Variants in MMD2 observed in about 807,000 individuals in gnomAD.
The protein encoded by MMD2 is monocyte to macrophage differentiation factor 2.
Under a neutral mutation model 33.5 loss-of-function variants are expected in MMD2, and 30 were observed. That is an observed-to-expected ratio of 0.90 (90% confidence interval 0.67 to 1.22). MMD2 has a LOEUF of 1.22. Ranked by LOEUF, MMD2 falls within the 50% of genes most tolerant of loss-of-function variation. MMD2 has a pLI of 0.00. For synonymous variants in MMD2, 129 were observed against 123.0 expected (o/e 1.05, Z -0.32); for missense variants, 364 against 325.4 (o/e 1.12, Z -0.91).
chr7:4,909,621 G>A, intron 6 of MMD2: 1 of 627,628 alleles, frequency 1.6e-6, no homozygotes, highest in South Asian at 1.8e-5. Context: ...TTTTTTTTTA[G>A]AGATGGGTCT....
At position 4,906,270 on chromosome 7, in the gene MMD2, T is replaced by A. The variant is rs886393663; in HGVS notation, c.*1126A>T. The A allele has an allele frequency of 5.2e-6, 2 of 385,690 alleles. No homozygotes were observed. Among genetic ancestry groups the A allele is most frequent in the East Asian group, 7.3e-5 (2 of 27,284 alleles). The allele number at this position is 385,690 out of a possible 1,614,324, so 23.9% of individuals were successfully genotyped here. ...TTGGACAGAGAGGCTGGCCCCGCCC[T>A]GACGGGGGCTGAAGAACAGGCCCCC... is the stretch of plus-strand genomic sequence containing the variant. On this transcript the variant is annotated 3_prime_UTR_variant, in exon 7 of 7. Coordinates refer to ENST00000401401, the MANE Select transcript of MMD2 (RefSeq NM_198403.4).
At chr7:4,902,182 C>T (rs1451170874), downstream of MMD2, among the ~76,000 whole-genome samples, 1 of 152,178 alleles carries the variant, frequency 6.6e-6, no homozygotes, top group Non-Finnish European at 1.5e-5. Flanking sequence ...AAACTCCTGG[C>T]CTCAAGTGAT....
downstream of MMD2, among the ~76,000 whole-genome samples, chr7:4,904,125 G>C (rs1562471933): frequency 1.3e-5 from 2 of 152,132 alleles, no homozygotes; most frequent in African/African-American, 4.8e-5. Flanking sequence ...TAGAGACGGG[G>C]TTTCACCACG....
intron 1 of MMD2, among the ~76,000 whole-genome samples, chr7:4,944,102 C>A (rs1017483313): frequency 2.6e-5 from 4 of 151,642 alleles, no homozygotes; most frequent in East Asian, 2.0e-4. Flanking sequence ...ATCCAACACT[C>A]CCTCTCTACA....
At chr7:4,924,044 T>G (rs533802552) in intron 2 of MMD2, among the ~76,000 whole-genome samples, 43 of 151,928 alleles carry the variant, frequency 2.8e-4, no homozygotes, top group Non-Finnish European at 5.0e-4. Context: ...TACAAAAAAT[T>G]AGCCGGGCTT....
intron 3 of MMD2, among the ~76,000 whole-genome samples, chr7:4,916,972 T>C (rs901170396): frequency 6.6e-6 from 1 of 152,100 alleles, no homozygotes; most frequent in Non-Finnish European, 1.5e-5. Context: ...CTCCAGAGGC[T>C]GAGGCAGGAG....
At chr7:4,935,194 A>G (rs1403017934) in intron 1 of MMD2, among the ~76,000 whole-genome samples, 1 of 142,372 alleles carries the variant, frequency 7.0e-6, no homozygotes, top group Non-Finnish European at 1.5e-5. Flanking sequence ...TCAAAAAAAG[A>G]AAAAAAAAAC....
rs780813727 is a variant in MMD2, at chr7:4,916,047, C to T, written c.323G>A (p.Arg108Gln). ...MVEHCLHMFD[R>Q]MVIYFFIAAS... ...CGCTATGAAGAAATAGATGACCATC[C>T]GGTCGAACATGTGTAGACAGTGTTC... The change falls in exon 4 of 7, where the codon CGG (arginine) becomes CAG (glutamine). Residue 108 changes from arginine to glutamine, a missense_variant. Arg to Gln is a conservative substitution (Grantham distance 43). Transcript: ENST00000401401. 13 of 1,613,882 alleles carry T rather than the reference C, an allele frequency of 8.1e-6. No homozygotes were observed. The highest frequency in any genetic ancestry group is 4.5e-5 in the East Asian group (2 of 44,864).
intron 1 of MMD2, among the ~76,000 whole-genome samples, chr7:4,931,259 C>G (rs1785579679): frequency 6.6e-6 from 1 of 152,146 alleles, no homozygotes. Flanking sequence ...AATCCTCCCA[C>G]CTCAGCCTCC....
At chr7:4,947,900 G>C (rs928607732) in intron 1 of MMD2, among the ~76,000 whole-genome samples, 1 of 148,922 alleles carries the variant, frequency 6.7e-6, no homozygotes, top group African/African-American at 2.5e-5. Context: ...GGGTTTCACC[G>C]TGTTAGCCAG....
chr7:4,928,678 G>A (rs569716427), intron 1 of MMD2, among the ~76,000 whole-genome samples: 1 of 150,780 alleles, frequency 6.6e-6, no homozygotes, highest in South Asian at 2.1e-4. Flanking sequence ...CCTTCTGTGT[G>A]CTGGCTCCAT....
At chr7:4,894,433 T>C in the MMD2 span, among the ~76,000 whole-genome samples, 2 of 152,164 alleles carry the variant, frequency 1.3e-5, no homozygotes, top group Admixed American at 6.6e-5. The surrounding 1 kb of genome is among the most constrained non-coding windows in gnomAD (Gnocchi z 4.3). Context: ...TTCCTAGAGA[T>C]AGTAACAGAG....
the MMD2 span, among the ~76,000 whole-genome samples, chr7:4,893,319 G>C: frequency 6.6e-6 from 1 of 152,014 alleles, no homozygotes; most frequent in Non-Finnish European, 1.5e-5. Context: ...TCCATAGGCA[G>C]AGCATCACCA....
intron 2 of MMD2, among the ~76,000 whole-genome samples, chr7:4,922,256 A>T (rs1400091199): frequency 6.6e-6 from 1 of 150,856 alleles, no homozygotes; most frequent in Admixed American, 6.6e-5. Context: ...CATCAATCTT[A>T]TTACATCATC....
chr7:4,915,263 C>A (rs1430367266), intron 4 of MMD2, among the ~76,000 whole-genome samples: 1 of 150,948 alleles, frequency 6.6e-6, no homozygotes, highest in Non-Finnish European at 1.5e-5. Context: ...AGATCAAGAC[C>A]CTGTCTCTTA....
At chr7:4,919,859 GCA>G (rs1785230340) in intron 3 of MMD2, among the ~76,000 whole-genome samples, 2 of 152,168 alleles carry the variant, frequency 1.3e-5, no homozygotes, top group Admixed American at 6.5e-5. Flanking sequence ...TAGCGCCACT[GCA>G]CTCCTGCCTG....
At chr7:4,899,082 G>T in the MMD2 span, among the ~76,000 whole-genome samples, 6 of 152,046 alleles carry the variant, frequency 3.9e-5, no homozygotes, top group Admixed American at 1.3e-4. Flanking sequence ...TACACAAGAG[G>T]CCTGAGAGAG....
rs1214951743 is a variant in MMD2, at chr7:4,906,550, G to A, written c.*846C>T. 2.5e-6 allele frequency: 1 copy of A among 398,516 alleles called. No homozygotes were observed. Among genetic ancestry groups the A allele is most frequent in the Non-Finnish European group, 4.4e-6 (1 of 226,074 alleles). 24.7% of individuals were successfully genotyped at this position (398,516 alleles called of 1,614,324 possible). A position where few individuals can be genotyped will look rare whatever the true frequency, so the allele number is the denominator to read the frequency against. On this transcript the variant is annotated 3_prime_UTR_variant, in exon 7 of 7. Transcript: ENST00000401401. ...GTCTCTGGATTTTTGGAGATGGGAA[G>A]AAATGGCCAAGTAACAGCATCCTCA... is the stretch of plus-strand genomic sequence containing the variant.
intron 1 of MMD2, among the ~76,000 whole-genome samples, chr7:4,932,722 A>G (rs1446245667): frequency 6.6e-6 from 1 of 150,914 alleles, no homozygotes; most frequent in Non-Finnish European, 1.5e-5. Context: ...TCTTGGGTTC[A>G]AGTGATTCTC....
Sources: gnomAD v4.1 joint callset for allele counts (sites outside exome capture counted in the v4.1 genomes callset) on GRCh38, gnomAD v4.1.1 for gene constraint, Gnocchi (gnomAD v3.1) non-coding constraint, MANE v1.5 for transcripts, NCBI Gene and HGNC (gene_info 2026-07-23, HGNC 2026-07-21) for gene names.